Variants in QTMAN observed in about 807,000 individuals in gnomAD.
QTMAN encodes tRNA-queuosine alpha-mannosyltransferase.
At chr2:144,046,497 T>C in the QTMAN span, among the ~76,000 whole-genome samples, 1 of 152,184 alleles carries the variant, frequency 6.6e-6, no homozygotes, top group African/African-American at 2.4e-5. Flanking sequence ...GCAATCCTCT[T>C]GAATAGCTGG....
the QTMAN span, among the ~76,000 whole-genome samples, chr2:144,282,721 T>C: frequency 6.6e-6 from 1 of 152,132 alleles, no homozygotes; most frequent in South Asian, 2.1e-4. Context: ...ATTTCCTGGG[T>C]GATAGGAGCA....
At chr2:144,288,014 C>A in the QTMAN span, among the ~76,000 whole-genome samples, 2 of 151,904 alleles carry the variant, frequency 1.3e-5, no homozygotes, top group African/African-American at 2.4e-5. Flanking sequence ...ACCACCACAC[C>A]CAGATAATTT....
chr2:144,230,599 G>A, the QTMAN span, among the ~76,000 whole-genome samples: 3 of 152,104 alleles, frequency 2.0e-5, no homozygotes, highest in South Asian at 6.2e-4. Flanking sequence ...GGCAGAGGCT[G>A]ATGTAACAGA....
At chr2:143,944,259 ACAC>A in the QTMAN span, 6 of 152,204 alleles carry the variant, frequency 3.9e-5, no homozygotes, top group Middle Eastern at 6.8e-3. Flanking sequence ...ACACACACAC[ACAC>A]TCCTACATAT....
At chr2:144,122,328 T>C in the QTMAN span, among the ~76,000 whole-genome samples, 1 of 152,144 alleles carries the variant, frequency 6.6e-6, no homozygotes, top group East Asian at 1.9e-4. Flanking sequence ...TAGTGCTATT[T>C]TATAAGGGTA....
At chr2:144,004,639 G>T in the QTMAN span, among the ~76,000 whole-genome samples, 2 of 151,976 alleles carry the variant, frequency 1.3e-5, no homozygotes, top group Non-Finnish European at 2.9e-5. Flanking sequence ...AAATTTTGAA[G>T]AAACTGATTG....
the QTMAN span, among the ~76,000 whole-genome samples, chr2:144,202,504 G>A: frequency 6.6e-6 from 1 of 152,100 alleles, no homozygotes; most frequent in Non-Finnish European, 1.5e-5. Context: ...CAGACTAATA[G>A]TCTCAATCAT....
the QTMAN span, among the ~76,000 whole-genome samples, chr2:144,272,600 A>G: frequency 6.6e-6 from 1 of 152,144 alleles, no homozygotes; most frequent in Non-Finnish European, 1.5e-5. Context: ...TACCTAAGAG[A>G]CAGTTTTACT....
At chr2:144,145,726 T>C in the QTMAN span, 1 of 1,609,144 alleles carries the variant, frequency 6.2e-7, no homozygotes, top group South Asian at 1.1e-5. Flanking sequence ...AGCACTGAAC[T>C]TGCAAAGAGG....
chr2:144,116,492 A>G, the QTMAN span, among the ~76,000 whole-genome samples: 2 of 152,134 alleles, frequency 1.3e-5, no homozygotes, highest in Non-Finnish European at 2.9e-5. Context: ...ACATCTTAAA[A>G]TGTGGGGCTT....
At chr2:143,975,604 A>C in the QTMAN span, among the ~76,000 whole-genome samples, 1 of 152,196 alleles carries the variant, frequency 6.6e-6, no homozygotes, top group Admixed American at 6.5e-5. Context: ...ATCTTCTTCC[A>C]GTAGTATAAG....
At chr2:144,052,941 G>A in the QTMAN span, among the ~76,000 whole-genome samples, 3 of 152,146 alleles carry the variant, frequency 2.0e-5, no homozygotes, top group African/African-American at 4.8e-5. Context: ...GAGCCACCAC[G>A]CCCGGCCTAT....
chr2:144,180,593 A>T, the QTMAN span, among the ~76,000 whole-genome samples: 2 of 152,328 alleles, frequency 1.3e-5, no homozygotes, highest in Non-Finnish European at 2.9e-5. Flanking sequence ...TCAAATAATT[A>T]CAATTTTAAA....
chr2:144,030,422 GACT>G, the QTMAN span, among the ~76,000 whole-genome samples: 1 of 152,064 alleles, frequency 6.6e-6, no homozygotes, highest in South Asian at 2.1e-4. Context: ...GAATATTGTT[GACT>G]ACTTATCAAC....
chr2:143,983,535 T>G, the QTMAN span, among the ~76,000 whole-genome samples: 1 of 143,294 alleles, frequency 7.0e-6, no homozygotes, highest in African/African-American at 2.6e-5. Flanking sequence ...TGCAGTGGCG[T>G]GATCTCGGCT....
the QTMAN span, among the ~76,000 whole-genome samples, chr2:144,019,671 C>T: frequency 6.6e-5 from 10 of 152,136 alleles, no homozygotes; most frequent in African/African-American, 2.4e-4. Context: ...CTATGCAGCT[C>T]CCACTTCAAC....
At chr2:144,206,989 T>C in the QTMAN span, among the ~76,000 whole-genome samples, 2 of 152,236 alleles carry the variant, frequency 1.3e-5, no homozygotes, top group Non-Finnish European at 1.5e-5. Context: ...ATACAATTGG[T>C]GCTGCAAAAA....
At chr2:144,163,264 T>C in the QTMAN span, among the ~76,000 whole-genome samples, 1 of 151,962 alleles carries the variant, frequency 6.6e-6, no homozygotes, top group South Asian at 2.1e-4. Context: ...AAAGTTCTAT[T>C]ATACAATTAT....
the QTMAN span, among the ~76,000 whole-genome samples, chr2:144,170,299 A>G: frequency 6.6e-6 from 1 of 152,216 alleles, no homozygotes; most frequent in Non-Finnish European, 1.5e-5. Flanking sequence ...TTAGCCTGCC[A>G]CAGTGTCCTG....
Sources: allele counts gnomAD v4.1 joint callset (sites outside exome capture counted in the v4.1 genomes callset), GRCh38; gene constraint gnomAD v4.1.1; transcripts MANE v1.5; gene names NCBI Gene and HGNC (gene_info 2026-07-23, HGNC 2026-07-21).